The following BAZ2B variants were observed in gnomAD, a reference collection of about 807,000 sequenced individuals.
The protein encoded by BAZ2B is bromodomain adjacent to zinc finger domain protein 2B.
A neutral mutation model predicts 246.0 loss-of-function variants in BAZ2B; 91 were observed. That is an observed-to-expected ratio of 0.37 (90% CI 0.31 to 0.44). The LOEUF (loss-of-function observed/expected upper bound fraction) is 0.44. Ranked by LOEUF, BAZ2B falls within the 20% of genes least tolerant of loss-of-function variation. The probability of loss-of-function intolerance (pLI) is 1.00; values close to 1 mark genes in which losing one functional copy is unlikely to be tolerated. For synonymous variants in BAZ2B, 855 were observed against 860.0 expected (o/e 0.99, Z 0.10); for missense variants, 2,332 against 2,533.7 (o/e 0.92, Z 1.71).
the BAZ2B span, among the ~76,000 whole-genome samples, chr2:159,648,799 A>G: frequency 6.6e-6 from 1 of 152,216 alleles, no homozygotes; most frequent in Non-Finnish European, 1.5e-5. Context: ...AATTTTACAC[A>G]GACTTATGTC....
intron 2 of BAZ2B, among the ~76,000 whole-genome samples, chr2:159,497,526 C>A (rs1036582953): frequency 1.3e-5 from 2 of 152,108 alleles, no homozygotes; most frequent in African/African-American, 2.4e-5. Context: ...CCCAAGGAGA[C>A]AAGAGTTGGC....
At chr2:159,440,818 C>T (rs542552449) in intron 6 of BAZ2B, among the ~76,000 whole-genome samples, 4 of 152,132 alleles carry the variant, frequency 2.6e-5, no homozygotes, top group South Asian at 4.1e-4. Context: ...CTTGCAATGA[C>T]TCTGCTTTAA....
At chr2:159,706,557 C>T in the BAZ2B span, among the ~76,000 whole-genome samples, 30 of 152,130 alleles carry the variant, frequency 2.0e-4, no homozygotes, top group Non-Finnish European at 3.2e-4. Flanking sequence ...TGCACGCACG[C>T]GTGCGCATGT....
intron 16 of BAZ2B, chr2:159,404,534 T>C (rs2065595844): frequency 4.6e-6 from 1 of 215,216 alleles, no homozygotes; most frequent in Non-Finnish European, 9.0e-6. Context: ...ATTCGAGCAA[T>C]ATACTTCATT....
At chr2:159,611,165 T>G (rs1321066677) in intron 1 of BAZ2B, among the ~76,000 whole-genome samples, 1 of 151,930 alleles carries the variant, frequency 6.6e-6, no homozygotes, top group African/African-American at 2.4e-5. Flanking sequence ...ACCTTCCTTC[T>G]AGAAATCTGA....
At chr2:159,332,739 T>C (rs566798826) in intron 33 of BAZ2B, 53 bp from the exon 34 acceptor site, 158 of 1,583,302 alleles carry the variant, frequency 1.0e-4, no homozygotes, top group Non-Finnish European at 1.3e-4. Context: ...GAATAATAGT[T>C]ATTGGGATGT....
the BAZ2B span, among the ~76,000 whole-genome samples, chr2:159,655,604 C>A: frequency 6.6e-6 from 1 of 152,058 alleles, no homozygotes; most frequent in Admixed American, 6.6e-5. Flanking sequence ...TTTTCTCCCC[C>A]CTCACCCTCA....
chr2:159,589,858 G>T (rs1365459170), intron 1 of BAZ2B, among the ~76,000 whole-genome samples: 1 of 152,026 alleles, frequency 6.6e-6, no homozygotes, highest in African/African-American at 2.4e-5. Flanking sequence ...AGTCTAAGAA[G>T]AATTTCCCAA....
chr2:159,423,445 G>A (rs1253923725), intron 13 of BAZ2B, among the ~76,000 whole-genome samples: 1 of 152,172 alleles, frequency 6.6e-6, no homozygotes, highest in East Asian at 1.9e-4. Context: ...AGCCACTGTG[G>A]AAAGGCAATG....
chr2:159,711,874 T>C, the BAZ2B span: 1 of 152,110 alleles, frequency 6.6e-6, no homozygotes, highest in Non-Finnish European at 1.5e-5. Flanking sequence ...AAGGTTACTA[T>C]CACGATTTTA....
At chr2:159,463,139 A>G (rs1482488295) in intron 3 of BAZ2B, 22 of 646,778 alleles carry the variant, frequency 3.4e-5, no homozygotes, top group Middle Eastern at 2.7e-4. Flanking sequence ...TCATTATTAC[A>G]TAGTAGCCGA....
At chr2:159,331,081 A>G (rs1045524398) in intron 34 of BAZ2B, among the ~76,000 whole-genome samples, 1 of 152,172 alleles carries the variant, frequency 6.6e-6, no homozygotes, top group Admixed American at 6.6e-5. Context: ...TTGGTGATGC[A>G]GGAGAAGGGA....
At chr2:159,594,389 A>C (rs1578748647) in intron 1 of BAZ2B, among the ~76,000 whole-genome samples, 1 of 152,296 alleles carries the variant, frequency 6.6e-6, no homozygotes, top group Middle Eastern at 3.4e-3. Context: ...CCTGGGCAAC[A>C]GAGCGAGACT....
At chr2:159,627,062 A>G in the BAZ2B span, among the ~76,000 whole-genome samples, 12 of 152,292 alleles carry the variant, frequency 7.9e-5, no homozygotes, top group Non-Finnish European at 1.3e-4. Flanking sequence ...AAACTAGAAA[A>G]TCTAGAAGAA....
At chr2:159,676,498 T>C in the BAZ2B span, among the ~76,000 whole-genome samples, 3 of 152,126 alleles carry the variant, frequency 2.0e-5, no homozygotes, top group Admixed American at 1.3e-4. Flanking sequence ...AATTTTCTCA[T>C]TCAAGTGGAA....
intron 27 of BAZ2B, among the ~76,000 whole-genome samples, chr2:159,368,877 A>C (rs1257326331): frequency 1.7e-5 from 2 of 119,400 alleles, no homozygotes; most frequent in Non-Finnish European, 3.8e-5. Context: ...AAAAAAAAAA[A>C]AAAAAACTGT....
chr2:159,552,243 G>T (rs1448918067), intron 2 of BAZ2B, among the ~76,000 whole-genome samples: 2 of 152,028 alleles, frequency 1.3e-5, no homozygotes, highest in East Asian at 3.9e-4. Context: ...GGTCCAATTG[G>T]CCTCCTTGCT....
intron 13 of BAZ2B, among the ~76,000 whole-genome samples, chr2:159,421,079 G>A (rs1020776675): frequency 5.3e-5 from 8 of 152,038 alleles, no homozygotes; most frequent in African/African-American, 1.7e-4. Flanking sequence ...AAAAGTAGCC[G>A]ATGCTACAAA....
the BAZ2B span, among the ~76,000 whole-genome samples, chr2:159,704,526 A>G: frequency 8.3e-6 from 1 of 120,838 alleles, no homozygotes; most frequent in Admixed American, 1.1e-4. Flanking sequence ...CTTGTTGCCC[A>G]GGCTGGAGTG....
Sources: gnomAD v4.1 joint callset for allele counts (sites outside exome capture counted in the v4.1 genomes callset) on GRCh38, gnomAD v4.1.1 for gene constraint, MANE v1.5 for transcripts, NCBI Gene and HGNC (gene_info 2026-07-23, HGNC 2026-07-21) for gene names.